CHSY3: variants seen among roughly 807,000 people sequenced by gnomAD.
CHSY3 encodes chondroitin sulfate synthase 3.
In CHSY3, 35 loss-of-function variants were observed where a neutral mutation model predicts 67.2. That is an observed-to-expected ratio of 0.52 (90% CI 0.40 to 0.69). CHSY3 has a LOEUF of 0.69. CHSY3 is among the 30% of genes least tolerant of loss of function. The pLI is 0.00. For synonymous variants in CHSY3, 474 were observed against 434.7 expected (o/e 1.09, Z -1.12); for missense variants, 1,069 against 1,138.5 (o/e 0.94, Z 0.88).
chr5:129,945,231 G>A (rs1192281437), intron 2 of CHSY3, among the ~76,000 whole-genome samples: 1 of 152,212 alleles, frequency 6.6e-6, no homozygotes, highest in Non-Finnish European at 1.5e-5. Context: ...ATGGACATTA[G>A]GAAACTCTGT....
At chr5:130,163,641 T>C (rs1769630789) in intron 2 of CHSY3, among the ~76,000 whole-genome samples, 1 of 152,208 alleles carries the variant, frequency 6.6e-6, no homozygotes, top group Non-Finnish European at 1.5e-5. Context: ...TACTGAATTA[T>C]CTCAATACTA....
intron 2 of CHSY3, among the ~76,000 whole-genome samples, chr5:130,089,984 G>A (rs750547508): frequency 6.6e-6 from 1 of 152,122 alleles, no homozygotes; most frequent in Non-Finnish European, 1.5e-5. Flanking sequence ...CACAGTAGAG[G>A]GAACGCATCT....
intron 2 of CHSY3, among the ~76,000 whole-genome samples, chr5:130,019,201 T>G (rs547446843): frequency 6.6e-6 from 1 of 152,312 alleles, no homozygotes; most frequent in South Asian, 2.1e-4. Flanking sequence ...ATTTTACACA[T>G]GCTTGTTTGA....
intron 2 of CHSY3, among the ~76,000 whole-genome samples, chr5:130,078,540 T>C (rs1766343861): frequency 6.6e-6 from 1 of 152,186 alleles, no homozygotes; most frequent in Admixed American, 6.6e-5. Flanking sequence ...TGATGGGAGT[T>C]GACTATTGGA....
intron 2 of CHSY3, among the ~76,000 whole-genome samples, chr5:130,077,678 G>A (rs759755095): frequency 2.0e-5 from 3 of 151,970 alleles, no homozygotes; most frequent in Non-Finnish European, 2.9e-5. Context: ...GAACTTATCA[G>A]AGAAGTCTGA....
chr5:130,082,023 G>T (rs1235274386), intron 2 of CHSY3, among the ~76,000 whole-genome samples: 1 of 151,984 alleles, frequency 6.6e-6, no homozygotes, highest in Non-Finnish European at 1.5e-5. Context: ...AAATCCTAAA[G>T]ACATTATGCG....
chr5:130,000,211 C>A (rs1763679736), intron 2 of CHSY3, among the ~76,000 whole-genome samples: 1 of 152,176 alleles, frequency 6.6e-6, no homozygotes, highest in Non-Finnish European at 1.5e-5. Flanking sequence ...GCTAAGCATG[C>A]TTTTCCTTCT....
At chr5:129,992,817 T>C (rs540374877) in intron 2 of CHSY3, among the ~76,000 whole-genome samples, 36 of 152,336 alleles carry the variant, frequency 2.4e-4, no homozygotes, top group African/African-American at 8.4e-4. Flanking sequence ...CTGGTCTGTT[T>C]GAGGCAATTT....
At chr5:130,012,463 G>C (rs1580647525) in intron 2 of CHSY3, among the ~76,000 whole-genome samples, 1 of 152,268 alleles carries the variant, frequency 6.6e-6, no homozygotes, top group Admixed American at 6.5e-5. Context: ...CTGTGACTTA[G>C]ACTAGGTAAT....
intron 2 of CHSY3, among the ~76,000 whole-genome samples, chr5:130,178,250 TATA>T (rs1198031845): frequency 0.01 from 768 of 76,228 alleles, 10 homozygotes; most frequent in South Asian, 0.016. Flanking sequence ...TATATATATA[TATA>T]TTTTTTTTTT....
chr5:130,012,861 A>C (rs544365106), intron 2 of CHSY3, among the ~76,000 whole-genome samples: 33 of 152,154 alleles, frequency 2.2e-4, no homozygotes, highest in Non-Finnish European at 8.8e-5. Flanking sequence ...AAAGTCCCCC[A>C]AAAAGTCTTA....
At chr5:130,076,043 A>G (rs779430913) in intron 2 of CHSY3, among the ~76,000 whole-genome samples, 3 of 152,090 alleles carry the variant, frequency 2.0e-5, no homozygotes, top group Non-Finnish European at 4.4e-5. Context: ...CTTTGAAACT[A>G]TACTTATCTA....
At chr5:130,087,669 A>G (rs1258184266) in intron 2 of CHSY3, among the ~76,000 whole-genome samples, 3 of 152,128 alleles carry the variant, frequency 2.0e-5, no homozygotes, top group Admixed American at 6.6e-5. Context: ...TGGGACGTGA[A>G]GGACCTCTTC....
intron 2 of CHSY3, among the ~76,000 whole-genome samples, chr5:130,084,791 T>C (rs1766561440): frequency 6.6e-6 from 1 of 151,920 alleles, no homozygotes; most frequent in East Asian, 2.0e-4. Context: ...ATTCAAAGAT[T>C]TTCTGATTGG....
chr5:129,934,274 T>A (rs1262743692), intron 2 of CHSY3, among the ~76,000 whole-genome samples: 1 of 152,154 alleles, frequency 6.6e-6, no homozygotes, highest in Non-Finnish European at 1.5e-5. Context: ...AGATATACAT[T>A]ACAATATAAT....
In CHSY3 at chr5:130,184,929, T is replaced by C; in HGVS notation, c.1787T>C (p.Phe596Ser). 1 of 1,551,684 alleles carries C rather than the reference T, an allele frequency of 6.4e-7. No homozygotes were observed. The highest frequency in any genetic ancestry group is 8.9e-7 in the Non-Finnish European group (1 of 1,123,406). Residue 596 changes from phenylalanine to serine, a missense_variant, in exon 3 of 3, where the codon TTT becomes TCT. Phe to Ser is a radical substitution (Grantham distance 155). Transcript: ENST00000305031. The part of the protein sequence containing the change: ...SINSETQSFS[F>S]ISNSLKILSS... ...AACAGTGAAACTCAGTCATTCTCCT[T>C]TATATCTAATTCTTTAAAGATATTA...
At chr5:129,904,244 C>T (rs886210243), upstream of CHSY3, among the ~76,000 whole-genome samples, 1 of 151,880 alleles carries the variant, frequency 6.6e-6, no homozygotes, top group Non-Finnish European at 1.5e-5. Flanking sequence ...GGGATCGTTT[C>T]CTTCCGGAGA....
chr5:130,019,351 A>C (rs1764300290), intron 2 of CHSY3, among the ~76,000 whole-genome samples: 1 of 152,094 alleles, frequency 6.6e-6, no homozygotes, highest in Admixed American at 6.6e-5. Context: ...TGGCAACATC[A>C]GGTACTCCAT....
chr5:130,081,023 T>C (rs1766429206), intron 2 of CHSY3, among the ~76,000 whole-genome samples: 1 of 152,042 alleles, frequency 6.6e-6, no homozygotes, highest in Non-Finnish European at 1.5e-5. Context: ...GAGGTCGTAA[T>C]TTTTTTAGGG....
Sources: gnomAD v4.1 joint callset for allele counts (sites outside exome capture counted in the v4.1 genomes callset) on GRCh38, gnomAD v4.1.1 for gene constraint, MANE v1.5 for transcripts, NCBI Gene and HGNC (gene_info 2026-07-23, HGNC 2026-07-21) for gene names.